Variants in FBLN7 observed in about 807,000 individuals in gnomAD.
The protein encoded by FBLN7 is fibulin 7, also known as fibulin-7.
FBLN7 carries 31 observed loss-of-function variants against 44.0 expected under a neutral mutation model. The ratio of observed to expected loss-of-function variants is 0.70; its 90% CI spans 0.53 to 0.95. The LOEUF (loss-of-function observed/expected upper bound fraction) is 0.95. Ranked by LOEUF, FBLN7 falls within the 40% of genes least tolerant of loss-of-function variation. The pLI, the probability that FBLN7 is intolerant of heterozygous loss-of-function variation, is 0.00. For missense variants in FBLN7, 573 were observed against 618.5 expected (o/e 0.93, Z 0.78); for synonymous variants, 262 against 253.4 (o/e 1.03, Z -0.32).
chr2:112,157,924 A>G (rs1681519281), intron 1 of FBLN7, among the ~76,000 whole-genome samples: 3 of 126,994 alleles, frequency 2.4e-5, no homozygotes, highest in African/African-American at 9.4e-5. Flanking sequence ...TTTGAGACGG[A>G]GTCTCGCTGT....
chr2:112,155,709 C>G lies in FBLN7; in HGVS notation c.76-3967C>G, dbSNP rs180698132. Reference sequence around the variant, plus strand: ...TCAATGAGCACCGGGGAGAAAGCAGCTGGCGCCTGTTGCCCACGGAGCAGG... The same window carrying G: ...TCAATGAGCACCGGGGAGAAAGCAGGTGGCGCCTGTTGCCCACGGAGCAGG... On this transcript the variant is annotated intron_variant, in intron 1 of 7. Transcript: ENST00000331203. 5.5e-4 allele frequency among the ~76,000 whole-genome samples: 84 copies of G among 152,348 alleles called. No homozygotes were observed. In the East Asian group the frequency reaches 0.015, roughly 27 times the overall value.
At chr2:112,233,930 C>T in the FBLN7 span, among the ~76,000 whole-genome samples, 21 of 152,272 alleles carry the variant, frequency 1.4e-4, 1 homozygote, top group African/African-American at 5.1e-4. Flanking sequence ...CCCACGTCGG[C>T]CTCCCAAACT....
chr2:112,181,920 G>C (rs1291272745), intron 5 of FBLN7, 44 bp downstream of exon 5: 2 of 1,517,518 alleles, frequency 1.3e-6, no homozygotes, highest in Admixed American at 2.1e-5. Context: ...GCACGGGGAG[G>C]ACATGGGGCG....
intron 1 of FBLN7, among the ~76,000 whole-genome samples, chr2:112,148,918 A>T (rs1427082574): frequency 6.6e-6 from 1 of 152,196 alleles, no homozygotes; most frequent in East Asian, 1.9e-4. Context: ...AGGTGGGAAA[A>T]CAGACTTCCT....
At chr2:112,235,689 T>G in the FBLN7 span, among the ~76,000 whole-genome samples, 10 of 152,228 alleles carry the variant, frequency 6.6e-5, no homozygotes, top group African/African-American at 2.2e-4. Context: ...TATTCTACCC[T>G]GCTTACATCT....
intron 3 of FBLN7, among the ~76,000 whole-genome samples, chr2:112,174,800 C>G (rs1682651860): frequency 6.6e-6 from 1 of 151,826 alleles, no homozygotes; most frequent in Non-Finnish European, 1.5e-5. Flanking sequence ...ACCTCCGCCT[C>G]CCGGGTTCAA....
intron 3 of FBLN7, among the ~76,000 whole-genome samples, chr2:112,174,689 GT>G (rs1054115020): frequency 3.9e-5 from 6 of 151,950 alleles, no homozygotes; most frequent in Non-Finnish European, 7.4e-5. Context: ...GGCCTATGGG[GT>G]TTTTTTTGTT....
At chr2:112,201,374 G>A in the FBLN7 span, among the ~76,000 whole-genome samples, 65 of 152,356 alleles carry the variant, frequency 4.3e-4, no homozygotes, top group Middle Eastern at 3.4e-3. Context: ...AACAAAGGCC[G>A]TGGGCCCCAG....
At chr2:112,228,112 A>G in the FBLN7 span, among the ~76,000 whole-genome samples, 1 of 152,244 alleles carries the variant, frequency 6.6e-6, no homozygotes, top group African/African-American at 2.4e-5. Flanking sequence ...TCAATGGAAC[A>G]CAACTAAGTA....
the FBLN7 span, among the ~76,000 whole-genome samples, chr2:112,204,915 AT>A: frequency 1.3e-5 from 2 of 152,140 alleles, no homozygotes; most frequent in East Asian, 1.9e-4. Flanking sequence ...ATATAAATAT[AT>A]TTTTTGTTTA....
At chr2:112,160,768 AC>A in intron 2 of FBLN7, among the ~76,000 whole-genome samples, 2 of 40,524 alleles carry the variant, frequency 4.9e-5, no homozygotes, top group Non-Finnish European at 1.2e-4. Context: ...ACGCACGCAC[AC>A]GCAGACGCAC....
chr2:112,205,411 A>AAAAAAACTATACAAAGAG, the FBLN7 span, among the ~76,000 whole-genome samples: 714 of 151,870 alleles, frequency 4.7e-3, 2 homozygotes, highest in Non-Finnish European at 5.7e-3. Context: ...AGTAACTACT[A>AAAAAAACTATACAAAGAG]AAAAAACTAT....
the FBLN7 span, chr2:112,234,295 C>T: frequency 7.6e-7 from 1 of 1,313,734 alleles, no homozygotes; most frequent in Non-Finnish European, 1.0e-6. Flanking sequence ...ATATTTTATT[C>T]TGTTGCACAA....
intron 3 of FBLN7, among the ~76,000 whole-genome samples, chr2:112,166,592 A>AAC (rs145814124): frequency 0.026 from 3,965 of 152,322 alleles, 63 homozygotes; most frequent in Middle Eastern, 0.041. Context: ...ATGCGAACAA[A>AAC]ACAGGGGAAA....
At chr2:112,217,326 T>A in the FBLN7 span, among the ~76,000 whole-genome samples, 1 of 152,132 alleles carries the variant, frequency 6.6e-6, no homozygotes, top group African/African-American at 2.4e-5. Flanking sequence ...TGAGCAAAGA[T>A]CGTGCCACTT....
In FBLN7 at chr2:112,138,741, C is replaced by G. The variant is rs1191484629; in HGVS notation, c.75+11C>G. On this transcript the variant is annotated intron_variant, in intron 1 of 7. Coordinates refer to ENST00000331203, the MANE Select transcript of FBLN7 (RefSeq NM_153214.3). ...CCGCGGGCTTCCCAGGTCAGTGTCC[C>G]TCCCGCCTCTCTCCAGGCCAGTGTC... 4.4e-6 allele frequency: 7 copies of G among 1,589,522 alleles called. No individual in the cohort carries two copies. In the East Asian group the frequency reaches 1.6e-4, roughly 36 times the overall value.
Position 112,185,279 on chromosome 2 carries a change from G to A in FBLN7, c.887G>A (p.Cys296Tyr). 6.2e-7 allele frequency: 1 copy of A among 1,614,012 alleles called. No individual in the cohort carries two copies. The highest frequency in any genetic ancestry group is 8.5e-7 in the Non-Finnish European group (1 of 1,179,906). The change falls in exon 7 of 8, where the codon TGT becomes TAT. Residue 296 changes from cysteine to tyrosine, a missense_variant. Cys to Tyr is a radical substitution (Grantham distance 194, BLOSUM62 -2). Coordinates refer to ENST00000331203, the MANE Select transcript of FBLN7 (RefSeq NM_153214.3). Reference sequence around the variant, plus strand: ...ATCAACACCGGTGGAAGCTTCCAGTGTGTCAGCCCTGAGTGCCCCGAGGGC... The same window carrying A: ...ATCAACACCGGTGGAAGCTTCCAGTATGTCAGCCCTGAGTGCCCCGAGGGC... Reference protein sequence around the residue: ...TCINTGGSFQCVSPECPEGSG... With the variant: ...TCINTGGSFQYVSPECPEGSG...
At chr2:112,195,353 C>T in the FBLN7 span, among the ~76,000 whole-genome samples, 9 of 152,160 alleles carry the variant, frequency 5.9e-5, no homozygotes, top group South Asian at 2.1e-4. Flanking sequence ...CTCAGCCATG[C>T]GGTGGCACTT....
intron 2 of FBLN7, among the ~76,000 whole-genome samples, chr2:112,160,874 C>A (rs1179039926): frequency 6.7e-6 from 1 of 148,500 alleles, no homozygotes; most frequent in Non-Finnish European, 1.5e-5. Context: ...ACACTCAGCC[C>A]GAGCCAGTGC....
Sources: allele counts gnomAD v4.1 joint callset (sites outside exome capture counted in the v4.1 genomes callset), GRCh38; gene constraint gnomAD v4.1.1; transcripts MANE v1.5; gene names NCBI Gene and HGNC (gene_info 2026-07-23, HGNC 2026-07-21).